The following ZMYM2 variants were observed in gnomAD, a reference collection of about 807,000 sequenced individuals.
ZMYM2 encodes the protein zinc finger MYM-type containing 2.
In ZMYM2, 56 loss-of-function variants were observed where a neutral mutation model predicts 162.8. The observed-to-expected ratio is 0.34, with a 90% CI of 0.28 to 0.43. ZMYM2 has a LOEUF of 0.43. Ranked by LOEUF, ZMYM2 falls within the 20% of genes least tolerant of loss-of-function variation. The pLI is 1.00. For synonymous variants in ZMYM2, 510 were observed against 541.6 expected (o/e 0.94, Z 0.81); for missense variants, 1,275 against 1,621.8 (o/e 0.79, Z 3.67).
At chr13:19,922,629 G>A in the ZMYM2 span, among the ~76,000 whole-genome samples, 2 of 152,190 alleles carry the variant, frequency 1.3e-5, no homozygotes, top group East Asian at 3.9e-4. Flanking sequence ...TGGATCACGA[G>A]GTCAGGAGAT....
chr13:20,031,057 AGAT>A (rs1953081791), intron 9 of ZMYM2, among the ~76,000 whole-genome samples: 1 of 152,218 alleles, frequency 6.6e-6, no homozygotes, highest in African/African-American at 2.4e-5. Context: ...TTAAGTGAAC[AGAT>A]GATGATTGAA....
At chr13:19,929,982 G>A in the ZMYM2 span, among the ~76,000 whole-genome samples, 1 of 152,186 alleles carries the variant, frequency 6.6e-6, no homozygotes, top group Non-Finnish European at 1.5e-5. Context: ...TTTAAAGTCT[G>A]GGATGGTAGT....
upstream of ZMYM2, among the ~76,000 whole-genome samples, chr13:19,957,035 T>C (rs1954562255): frequency 6.6e-6 from 1 of 152,226 alleles, no homozygotes; most frequent in South Asian, 2.1e-4. Context: ...TTCCTAAAAA[T>C]TAGTGATACT....
At chr13:20,045,713 A>C (rs1954710962) in intron 12 of ZMYM2, among the ~76,000 whole-genome samples, 1 of 152,166 alleles carries the variant, frequency 6.6e-6, no homozygotes, top group Non-Finnish European at 1.5e-5. Flanking sequence ...TTATTTTTAT[A>C]TCTATTTTCA....
the ZMYM2 span, among the ~76,000 whole-genome samples, chr13:19,938,069 G>C: frequency 2.8e-4 from 42 of 152,042 alleles, no homozygotes; most frequent in Non-Finnish European, 5.1e-4. Flanking sequence ...CATTTGGGTT[G>C]GTTCCAAGTC....
chr13:19,904,971 T>C, the ZMYM2 span, among the ~76,000 whole-genome samples: 4 of 152,132 alleles, frequency 2.6e-5, no homozygotes, highest in Non-Finnish European at 5.9e-5. Context: ...AATAATGCTG[T>C]TATGAACAAA....
At chr13:19,922,541 T>A in the ZMYM2 span, among the ~76,000 whole-genome samples, 1 of 152,054 alleles carries the variant, frequency 6.6e-6, no homozygotes. Flanking sequence ...ATTTTTTTTC[T>A]CCATATGAAA....
At chr13:19,947,432 A>G in the ZMYM2 span, among the ~76,000 whole-genome samples, 4,082 of 147,588 alleles carry the variant, frequency 0.028, 121 homozygotes, top group East Asian at 0.14. Context: ...CAGGTTATGT[A>G]TCGCTTCTTC....
intron 6 of ZMYM2, among the ~76,000 whole-genome samples, chr13:20,014,970 A>T (rs913728502): frequency 6.6e-6 from 1 of 151,864 alleles, no homozygotes; most frequent in Non-Finnish European, 1.5e-5. Context: ...TCACCGTGTT[A>T]GACTGGTCTT....
At chr13:19,908,569 C>T in the ZMYM2 span, among the ~76,000 whole-genome samples, 17 of 152,154 alleles carry the variant, frequency 1.1e-4, no homozygotes, top group Non-Finnish European at 1.9e-4. Flanking sequence ...TAAAGTTCCC[C>T]GTCTGCTTTC....
At chr13:20,048,322 G>A (rs555529335) in intron 12 of ZMYM2, among the ~76,000 whole-genome samples, 5 of 151,640 alleles carry the variant, frequency 3.3e-5, no homozygotes, top group African/African-American at 4.8e-5. Flanking sequence ...TTATTTTTAG[G>A]AAAATAATAT....
At chr13:19,999,088 A>C (rs1343350900) in intron 3 of ZMYM2, among the ~76,000 whole-genome samples, 3 of 152,230 alleles carry the variant, frequency 2.0e-5, no homozygotes, top group African/African-American at 7.2e-5. Context: ...AGCTTAGCAC[A>C]AAAGAGAAAA....
At chr13:19,945,131 G>A in the ZMYM2 span, among the ~76,000 whole-genome samples, 1 of 151,988 alleles carries the variant, frequency 6.6e-6, no homozygotes, top group African/African-American at 2.4e-5. Flanking sequence ...TTTGAAGTTG[G>A]TTACAAATCA....
chr13:20,065,249 C>T (rs1399709127), intron 19 of ZMYM2, among the ~76,000 whole-genome samples: 1 of 151,948 alleles, frequency 6.6e-6, no homozygotes, highest in Admixed American at 6.6e-5. Context: ...GGAGAGAATA[C>T]TTGGAGTGGA....
rs921415302 is a variant in ZMYM2 at position 20,086,097 on chromosome 13, G to A, written c.*83G>A. ...ATCTTTATTATGGAAAACATTTCAA[G>A]TTTACTCCTTCTGTTTTGAGTTTTG... is the stretch of plus-strand genomic sequence containing the variant. On this transcript the variant is annotated 3_prime_UTR_variant, in exon 25 of 25. Transcript: ENST00000610343. 9 of 1,397,810 alleles carry A rather than the reference G, an allele frequency of 6.4e-6. No homozygotes were observed. The African/African-American group carries it at 1.3e-4, about 20-fold the overall frequency. The allele number at this position is 1,397,810 out of a possible 1,614,324, so 86.6% of individuals were successfully genotyped here. A position where few individuals can be genotyped will look rare whatever the true frequency, so the allele number is the denominator to read the frequency against.
At chr13:20,010,901 A>G (rs1252657262) in intron 6 of ZMYM2, among the ~76,000 whole-genome samples, 1 of 152,116 alleles carries the variant, frequency 6.6e-6, no homozygotes, top group African/African-American at 2.4e-5. Flanking sequence ...GGCCTCCCCA[A>G]GTGCTGGGAT....
In ZMYM2 at chr13:20,067,679, T is replaced by C. The variant is rs1039502874; in HGVS notation, c.3453+289T>C. On this transcript the variant is annotated intron_variant, in intron 21 of 24. Transcript: ENST00000610343. Reference sequence around the variant, plus strand: ...AATGTCATAACTCTGTAAATAGGTCTGTTTCACTGTATGCTTCTGATGTGT... The same window carrying C: ...AATGTCATAACTCTGTAAATAGGTCCGTTTCACTGTATGCTTCTGATGTGT... Among the ~76,000 whole-genome samples the C allele has an allele frequency of 4.6e-5, 7 of 152,344 alleles. No homozygotes were observed. In the East Asian group the frequency reaches 9.6e-4, roughly 21 times the overall value.
At chr13:19,991,059 TGTGTGTA>T (rs1949565605) in intron 2 of ZMYM2, among the ~76,000 whole-genome samples, 1 of 139,264 alleles carries the variant, frequency 7.2e-6, no homozygotes, top group Non-Finnish European at 1.6e-5. Context: ...TGTGTGTGTG[TGTGTGTA>T]CGTATGTATT....
chr13:20,005,731 C>G (rs1246263181), intron 5 of ZMYM2, among the ~76,000 whole-genome samples: 1 of 152,030 alleles, frequency 6.6e-6, no homozygotes, highest in South Asian at 2.1e-4. Context: ...CCTCATTTTT[C>G]TAGAGAAATG....
Sources: gnomAD v4.1 joint callset for allele counts (sites outside exome capture counted in the v4.1 genomes callset) on GRCh38, gnomAD v4.1.1 for gene constraint, MANE v1.5 for transcripts, NCBI Gene and HGNC (gene_info 2026-07-23, HGNC 2026-07-21) for gene names.